Variants in BCOR observed in about 807,000 individuals in gnomAD.
The protein encoded by BCOR is BCL-6 corepressor.
BCOR carries 10 observed loss-of-function variants against 86.7 expected under a neutral mutation model. The ratio of observed to expected loss-of-function variants is 0.12; its 90% CI spans 0.07 to 0.20. BCOR has a LOEUF of 0.20. Among genes scored for constraint, BCOR ranks in the 10% least tolerant of loss-of-function variants. The pLI is 1.00. For synonymous variants in BCOR, 611 were observed against 609.0 expected (o/e 1.00, Z -0.05); for missense variants, 1,259 against 1,452.1 (o/e 0.87, Z 2.16).
At position 40,062,308 on chromosome X, in the gene BCOR, T is replaced by C. The variant is rs756473500; in HGVS notation, c.4259A>G (p.Asp1420Gly). Reference sequence around the variant, plus strand: ...GGCTGGTAGCAGTTGCTGCAAGCGGTCGAAGGGCTTTGGCTCCTGCTTGGC... The same window carrying C: ...GGCTGGTAGCAGTTGCTGCAAGCGGCCGAAGGGCTTTGGCTCCTGCTTGGC... ...SPAKQEPKPF[D>G]RLQQLLPASQ... Residue 1420 changes from aspartate (D) to glycine (G), a missense_variant, in exon 10 of 15, where the codon GAC (aspartate) becomes GGC (glycine). Physicochemically the swap from Asp to Gly is moderately conservative, Grantham distance 94. This residue lies in a region of BCOR where 305 missense variants were observed against 286.1 expected (regional missense o/e 1.07). Transcript: ENST00000378444. 8.3e-7 allele frequency: 1 copy of C among 1,209,191 alleles called. No individual in the cohort carries two copies. Among genetic ancestry groups the C allele is most frequent in the South Asian group, 1.8e-5 (1 of 56,349 alleles).
At chrX:40,083,320 A>G (rs925139483) in intron 1 of BCOR, among the ~76,000 whole-genome samples, 1 of 108,852 alleles carries the variant, frequency 9.2e-6, no homozygotes, top group East Asian at 3.0e-4. Flanking sequence ...CTCCCCCGAG[A>G]GAGTTGGGGG....
chrX:40,132,394 C>T (rs1436338788), intron 1 of BCOR, among the ~76,000 whole-genome samples: 1 of 111,261 alleles, frequency 9.0e-6, no homozygotes, highest in Non-Finnish European at 1.9e-5. Context: ...GTGGTGGGAT[C>T]TCAGCTCACC....
Position 40,063,642 on chromosome X carries a change from C to T in BCOR, c.3813G>A (p.Ser1271=), listed in dbSNP as rs746505412. Residue 1271 remains serine, a synonymous_variant, in exon 8 of 15, where the codon TCG becomes TCA. Transcript: ENST00000378444. The stretch of plus-strand genomic sequence containing the variant: ...TGTCACTGGGTTTAAGAGACTCTTC[C>T]GACCAGCTTCTGTTGCCTTTGGCCT... ...RAEAKGNRSW[S]EESLKPSDNE... is the part of the protein sequence containing the mutation. The T allele has an allele frequency of 4.0e-5, 49 of 1,210,163 alleles. No individual in the cohort carries two copies. The highest frequency in any genetic ancestry group is 1.1e-4 in the Admixed American group (5 of 45,919).
At position 40,062,307 on chromosome X, in the gene BCOR, G is replaced by A. The variant is rs2147011606; in HGVS notation, c.4260C>T (p.Asp1420=). 8.3e-7 allele frequency: 1 copy of A among 1,209,873 alleles called. No homozygotes were observed. The highest frequency in any genetic ancestry group is 1.1e-6 in the Non-Finnish European group (1 of 894,712). Residue 1420 remains aspartate (D), a synonymous_variant, in exon 10 of 15, where the codon GAC becomes GAT. Coordinates refer to ENST00000378444, the MANE Select transcript of BCOR (RefSeq NM_001123385.2). ...AGGCTGGTAGCAGTTGCTGCAAGCGGTCGAAGGGCTTTGGCTCCTGCTTGG... is the reference window on the plus strand; with the variant it reads ...AGGCTGGTAGCAGTTGCTGCAAGCGATCGAAGGGCTTTGGCTCCTGCTTGG... The part of the protein sequence containing the change: ...SPAKQEPKPF[D]RLQQLLPASQ...
intron 1 of BCOR, among the ~76,000 whole-genome samples, chrX:40,145,506 CAA>C (rs1255554476): frequency 9.0e-6 from 1 of 111,208 alleles, no homozygotes; most frequent in Non-Finnish European, 1.9e-5. Flanking sequence ...ACCAGAAAGG[CAA>C]AAGAGTCCCC....
At chrX:40,066,469 G>A (rs936788102) in intron 6 of BCOR, among the ~76,000 whole-genome samples, 2 of 111,394 alleles carry the variant, frequency 1.8e-5, no homozygotes, top group East Asian at 5.6e-4. Flanking sequence ...CACCTCCCCC[G>A]GTGGGCTTCA....
intron 1 of BCOR, among the ~76,000 whole-genome samples, chrX:40,155,428 A>T (rs2147997991): frequency 9.1e-6 from 1 of 110,139 alleles, no homozygotes; most frequent in Non-Finnish European, 1.9e-5. Flanking sequence ...GGAGTGACCC[A>T]GGGCCTCCGG....
At chrX:40,081,023 C>T (rs1936084439) in intron 1 of BCOR, among the ~76,000 whole-genome samples, 1 of 111,484 alleles carries the variant, frequency 9.0e-6, no homozygotes, top group Non-Finnish European at 1.9e-5. Context: ...TTTAGCTGCC[C>T]CATGAACTTT....
intron 1 of BCOR, among the ~76,000 whole-genome samples, chrX:40,164,853 C>T (rs1938483234): frequency 8.9e-6 from 1 of 112,582 alleles, no homozygotes; most frequent in South Asian, 3.6e-4. Context: ...AGACTTGTGT[C>T]ACACACCAAA....
upstream of BCOR, among the ~76,000 whole-genome samples, chrX:40,102,009 C>T (rs774179472): frequency 3.7e-3 from 417 of 112,116 alleles, no homozygotes; most frequent in Middle Eastern, 9.2e-3. Context: ...GCTGCCCCAT[C>T]CTCCAAGCAC....
intron 1 of BCOR, among the ~76,000 whole-genome samples, chrX:40,142,510 C>A (rs1216489633): frequency 8.9e-6 from 1 of 112,085 alleles, no homozygotes; most frequent in Non-Finnish European, 1.9e-5. Flanking sequence ...TTTGGCTTTA[C>A]AACACACACC....
intron 1 of BCOR, among the ~76,000 whole-genome samples, chrX:40,109,042 T>C (rs1937247471): frequency 8.9e-6 from 1 of 112,567 alleles, no homozygotes; most frequent in South Asian, 3.6e-4. Flanking sequence ...GCGGCGGCCC[T>C]GGCCCGCACG....
intron 1 of BCOR, among the ~76,000 whole-genome samples, chrX:40,167,328 G>C (rs1280564298): frequency 8.9e-6 from 1 of 112,187 alleles, no homozygotes; most frequent in East Asian, 2.8e-4. Flanking sequence ...TAAGGGAAGA[G>C]ATTAATATGA....
chrX:40,071,861 T>C, intron 4 of BCOR, 171 bp from the exon 5 acceptor site: 1 of 447,420 alleles, frequency 2.2e-6, no homozygotes, highest in Non-Finnish European at 4.0e-6. Flanking sequence ...CATAATTCAC[T>C]AGCAAGTTAA....
chrX:40,071,287 T>A, intron 5 of BCOR, 128 bp from the exon 6 acceptor site: 1 of 633,694 alleles, frequency 1.6e-6, no homozygotes, highest in Non-Finnish European at 2.4e-6. Flanking sequence ...GCTTATGAGA[T>A]GTAACTCAGA....
At position 40,056,973 on chromosome X, in the gene BCOR, A is replaced by G. The variant is rs144421030; in HGVS notation, c.4595+182T>C. ...AGGACTGATCAAAATTGGGAGCTTT[A>G]CATCTACATTTGCCAGAAAGGTCTG... On this transcript the variant is annotated intron_variant, in intron 11 of 14. Transcript: ENST00000378444. Among the ~76,000 whole-genome samples the G allele has an allele frequency of 5.0e-4, 56 of 112,493 alleles. 1 individual carries two copies. The East Asian group carries it at 0.015, about 31-fold the overall frequency.
intron 6 of BCOR, among the ~76,000 whole-genome samples, chrX:40,068,799 TAA>T (rs1463614558): frequency 8.9e-6 from 1 of 112,950 alleles, no homozygotes; most frequent in Non-Finnish European, 1.9e-5. Context: ...ATACTATCAC[TAA>T]GAGTCAATGA....
chrX:40,142,838 G>A (rs951585912), intron 1 of BCOR, among the ~76,000 whole-genome samples: 4 of 111,722 alleles, frequency 3.6e-5, no homozygotes, highest in Middle Eastern at 9.2e-3. Flanking sequence ...ACCATCGCAG[G>A]GGTCCTTCCT....
intron 1 of BCOR, among the ~76,000 whole-genome samples, chrX:40,155,233 C>T (rs1264947756): frequency 8.9e-6 from 1 of 112,836 alleles, no homozygotes; most frequent in African/African-American, 3.2e-5. Flanking sequence ...CCAAGGTCCT[C>T]CGGCTCTCGC....
Sources: allele counts gnomAD v4.1 joint callset (sites outside exome capture counted in the v4.1 genomes callset), GRCh38; gene constraint gnomAD v4.1.1; regional missense constraint gnomAD v4.1.1; transcripts MANE v1.5; gene names NCBI Gene and HGNC (gene_info 2026-07-23, HGNC 2026-07-21).